Variants in RIF1 observed in about 807,000 individuals in gnomAD.
The protein encoded by RIF1 is replication timing regulatory factor 1, also known as telomere-associated protein RIF1.
RIF1 carries 45 observed loss-of-function variants against 247.1 expected under a neutral mutation model. That is an observed-to-expected ratio of 0.18 (90% confidence interval 0.14 to 0.23). The LOEUF (loss-of-function observed/expected upper bound fraction) is 0.23. RIF1 is among the 10% of genes least tolerant of loss of function. RIF1 has a pLI of 1.00. For missense variants in RIF1, 2,967 were observed against 2,862.5 expected, an observed-to-expected ratio of 1.04 and a Z score of -0.83; for synonymous variants, 1,087 against 978.8, an observed-to-expected ratio of 1.11 and a Z score of -2.06.
At chr2:151,413,466 A>G (rs926820024) in intron 3 of RIF1, among the ~76,000 whole-genome samples, 1 of 152,212 alleles carries the variant, frequency 6.6e-6, no homozygotes, top group Non-Finnish European at 1.5e-5. Flanking sequence ...CAGAGTAGGA[A>G]CCATACCAGG....
intron 9 of RIF1, among the ~76,000 whole-genome samples, 182 bp from the exon 10 acceptor site, chr2:151,432,895 G>C (rs945242991): frequency 1.3e-5 from 2 of 152,150 alleles, no homozygotes; most frequent in African/African-American, 4.8e-5. Context: ...TTTTGGTTCA[G>C]CTGTACTGTA....
chr2:151,458,226 A>ATTTT lies in RIF1; in HGVS notation c.2855+284_2855+287dup, dbSNP rs71403171. ...AGACAAGGAGGACAGGAAATAGATG[A>ATTTT]TTTTTTTTTTTTTTTTTTTTTTTTG... On this transcript the variant is annotated intron_variant, in intron 24 of 35. Coordinates refer to ENST00000444746, the MANE Select transcript of RIF1 (RefSeq NM_018151.5). 2.1e-3 allele frequency among the ~76,000 whole-genome samples: 206 copies of ATTTT among 99,136 alleles called. 9 individuals are homozygous for ATTTT. The highest frequency in any genetic ancestry group is 3.3e-3 in the Non-Finnish European group (167 of 51,010). The allele number at this position is 99,136 out of a possible 152,430, so 65.0% of individuals were successfully genotyped here.
At chr2:151,529,748 C>G in the RIF1 span, among the ~76,000 whole-genome samples, 9 of 152,104 alleles carry the variant, frequency 5.9e-5, no homozygotes, top group African/African-American at 1.4e-4. Flanking sequence ...AGGCTGGTCT[C>G]GAACTCGTGA....
intron 24 of RIF1, 132 bp downstream of exon 24, chr2:151,458,095 G>T: frequency 1.7e-6 from 1 of 588,994 alleles, no homozygotes; most frequent in South Asian, 2.4e-5. Context: ...ATTACCATTT[G>T]GAATACATGA....
Position 151,463,926 on chromosome 2 carries a change from T to C in RIF1, c.4406T>C (p.Ile1469Thr), listed in dbSNP as rs769089397. Residue 1469 changes from isoleucine (I) to threonine (T), a missense_variant, in exon 30 of 36, where the codon ATT (isoleucine) becomes ACT (threonine). By Grantham distance (89) the Ile-to-Thr change is moderately conservative (BLOSUM62 -1). Around this residue, in one of 7 missense-constraint regions of RIF1, gnomAD observed 2,028 missense variants for 1,825.6 expected, o/e 1.11. Coordinates refer to ENST00000444746, the MANE Select transcript of RIF1 (RefSeq NM_018151.5). ...KDDVLPKQKL[I>T]AEQTLQENLI... ...GATGTGTTACCTAAACAAAAACTGA[T>C]TGCTGAACAAACTCTACAGGAGAAT... The C allele has an allele frequency of 7.4e-6, 12 of 1,613,246 alleles. No homozygotes were observed. The South Asian group carries it at 1.3e-4, about 18-fold the overall frequency.
the RIF1 span, among the ~76,000 whole-genome samples, chr2:151,523,843 C>A: frequency 6.6e-6 from 1 of 152,036 alleles, no homozygotes; most frequent in Non-Finnish European, 1.5e-5. Context: ...GACATCTGCT[C>A]ATCCCTACTT....
chr2:151,520,721 G>A, the RIF1 span, among the ~76,000 whole-genome samples: 1 of 151,874 alleles, frequency 6.6e-6, no homozygotes. Context: ...AAAATTAACT[G>A]GGCATTGTGG....
rs138147981 is a variant in RIF1, at chr2:151,442,048, T to TTTTTGTTTTA, written c.1734+61_1734+62insGTTTTATTTT. The TTTTTGTTTTA allele has an allele frequency of 2.1e-5, 5 of 237,718 alleles. 1 individual carries two copies. Among genetic ancestry groups the TTTTTGTTTTA allele is most frequent in the African/African-American group, 5.1e-5 (2 of 39,350 alleles). 14.7% of individuals were successfully genotyped at this position (237,718 alleles called of 1,614,324 possible). A position where few individuals can be genotyped will look rare whatever the true frequency, so the allele number is the denominator to read the frequency against. On this transcript the variant is annotated intron_variant, in intron 16 of 35. Transcript: ENST00000444746. ...TGGCCAAAAACATTTATACTTCCCT[T>TTTTTGTTTTA]TTTTATTTTATTTTATTTTATTTTA... is the stretch of plus-strand genomic sequence containing the variant.
chr2:151,502,803 T>C, intron 11 of RIF1: 1 of 1,599,936 alleles, frequency 6.3e-7, no homozygotes, highest in Non-Finnish European at 8.6e-7. Flanking sequence ...CGAGCTAAAG[T>C]TCTCTTGATT....
intron 19 of RIF1, 97 bp from the exon 20 acceptor site, chr2:151,446,329 G>T: frequency 3.8e-5 from 40 of 1,061,258 alleles, no homozygotes; most frequent in Non-Finnish European, 4.5e-5. Context: ...ACTAAATGTT[G>T]CAGTGTTTTT....
At chr2:151,453,236 T>C (rs1229397757) in intron 21 of RIF1, among the ~76,000 whole-genome samples, 5 of 152,156 alleles carry the variant, frequency 3.3e-5, no homozygotes, top group Non-Finnish European at 7.3e-5. Context: ...TTTAGACAAG[T>C]TGACAACCTG....
At chr2:151,474,817 C>G in intron 35 of RIF1, 40 bp from the exon 36 acceptor site, 2 of 1,171,358 alleles carry the variant, frequency 1.7e-6, no homozygotes, top group Non-Finnish European at 2.5e-6. Flanking sequence ...TAATTTTTGT[C>G]TGGTATAGAT....
At chr2:151,530,825 T>C in the RIF1 span, 1 of 569,512 alleles carries the variant, frequency 1.8e-6, no homozygotes, top group Non-Finnish European at 3.1e-6. Flanking sequence ...ACTGTTCAGC[T>C]GTGTCCAGTC....
At position 151,475,044 on chromosome 2, in the gene RIF1, A is replaced by T; in HGVS notation, c.7392A>T (p.Arg2464Ser). The change falls in exon 36 of 36, where the codon AGA (arginine) becomes AGT (serine). Residue 2464 changes from arginine to serine, a missense_variant. Physicochemically the swap from Arg to Ser is moderately radical, Grantham distance 110. This residue lies in a region of RIF1 where 151 missense variants were observed against 163.4 expected (regional missense o/e 0.92). Coordinates refer to ENST00000444746, the MANE Select transcript of RIF1 (RefSeq NM_018151.5). ...SVIKNLQSRW[R>S]SPSHENSI Reference sequence around the variant, plus strand: ...TAAAAAATCTACAGTCACGTTGGAGATCACCATCCCATGAAAATTCTATTT... The same window carrying T: ...TAAAAAATCTACAGTCACGTTGGAGTTCACCATCCCATGAAAATTCTATTT... The T allele has an allele frequency of 6.2e-7, 1 of 1,612,154 alleles. No individual in the cohort carries two copies. The highest frequency in any genetic ancestry group is 8.5e-7 in the Non-Finnish European group (1 of 1,178,518).
chr2:151,525,940 C>T, the RIF1 span: 2 of 1,590,048 alleles, frequency 1.3e-6, no homozygotes, highest in Non-Finnish European at 1.7e-6. Flanking sequence ...GCCAAGAGAC[C>T]GGTGGTTGAT....
chr2:151,443,407 A>G, intron 17 of RIF1, 78 bp downstream of exon 17: 1 of 1,301,298 alleles, frequency 7.7e-7, no homozygotes, highest in South Asian at 1.4e-5. Context: ...ACTATTTCAT[A>G]AGTTTAAGTT....
Position 151,417,242 on chromosome 2 carries a change from C to T in RIF1, c.503+341C>T, listed in dbSNP as rs571926977. Among the ~76,000 whole-genome samples, 124 of 152,244 alleles carry T rather than the reference C, an allele frequency of 8.1e-4. 1 individual carries two copies. In the South Asian group the frequency reaches 9.3e-3, roughly 11 times the overall value. On this transcript the variant is annotated intron_variant, in intron 6 of 35. Coordinates refer to ENST00000444746, the MANE Select transcript of RIF1 (RefSeq NM_018151.5). ...AGTGGGCTTGGGTTGTTTAGGAAGG[C>T]AGTCAGTGTTTAGCAGGGAATAGAG...
chr2:151,430,699 T>C (rs528332136), intron 9 of RIF1, among the ~76,000 whole-genome samples: 24 of 148,628 alleles, frequency 1.6e-4, no homozygotes, highest in African/African-American at 4.5e-4. Context: ...GGTCTTGCCC[T>C]GTCACCTAGA....
rs1203652580 is a variant in RIF1 at position 151,478,133 on chromosome 2, CAT to C, written c.*3065_*3066del. 1 of 152,192 alleles carries C rather than the reference CAT, an allele frequency of 6.6e-6. No homozygotes were observed. The allele number at this position is 152,192 out of a possible 1,614,324, so 9.4% of individuals were successfully genotyped here. On this transcript the variant is annotated 3_prime_UTR_variant, in exon 36 of 36. Coordinates refer to ENST00000444746, the MANE Select transcript of RIF1 (RefSeq NM_018151.5). ...ACAAGTTTGAAAACCATTGTTGAAT[CAT>C]ATGGAGCTTTACTCTAATTCCAAAT...
Sources: gnomAD v4.1 joint callset for allele counts (sites outside exome capture counted in the v4.1 genomes callset) on GRCh38, gnomAD v4.1.1 for gene constraint, gnomAD v4.1.1 regional missense constraint, MANE v1.5 for transcripts, NCBI Gene and HGNC (gene_info 2026-07-23, HGNC 2026-07-21) for gene names.